Variants in DNAH11 observed in about 807,000 individuals in gnomAD.
DNAH11 encodes dynein axonemal heavy chain 11, also known as axonemal beta dynein heavy chain 11.
A neutral mutation model predicts 526.0 loss-of-function variants in DNAH11; 442 were observed. The ratio of observed to expected loss-of-function variants is 0.84; its 90% confidence interval spans 0.78 to 0.91. The LOEUF is 0.91. Ranked by LOEUF, DNAH11 falls within the 40% of genes least tolerant of loss-of-function variation. DNAH11 has a pLI of 0.00. For missense variants in DNAH11, 6,989 were observed against 5,448.7 expected, an observed-to-expected ratio of 1.28 and a Z score of -8.90; for synonymous variants, 2,461 against 1,935.9, an observed-to-expected ratio of 1.27 and a Z score of -7.12.
At chr7:21,798,249 C>A (rs1043153682) in intron 61 of DNAH11, among the ~76,000 whole-genome samples, 19 of 152,166 alleles carry the variant, frequency 1.2e-4, no homozygotes, top group Non-Finnish European at 2.6e-4. Context: ...CTTGTGCCAC[C>A]ATGCCCGGCT....
At chr7:21,663,017 C>G (rs568035014) in intron 30 of DNAH11, among the ~76,000 whole-genome samples, 1 of 152,144 alleles carries the variant, frequency 6.6e-6, no homozygotes, top group African/African-American at 2.4e-5. Flanking sequence ...GTCTGTCATT[C>G]CACACTCAAT....
At chr7:21,895,898 T>C (rs948972401) in intron 79 of DNAH11, among the ~76,000 whole-genome samples, 2 of 152,076 alleles carry the variant, frequency 1.3e-5, no homozygotes, top group African/African-American at 4.8e-5. Flanking sequence ...TCCGGTTAAT[T>C]TTTTGTATAT....
chr7:21,725,380 A>G (rs559693647), intron 44 of DNAH11, among the ~76,000 whole-genome samples: 25 of 152,350 alleles, frequency 1.6e-4, no homozygotes, highest in African/African-American at 5.5e-4. Context: ...AATAACTATC[A>G]CCATAATTTT....
At position 21,687,169 on chromosome 7, in the gene DNAH11, G is replaced by T; in HGVS notation, c.5692G>T (p.Gly1898Trp). 1 of 1,612,756 alleles carries T rather than the reference G, an allele frequency of 6.2e-7. No individual in the cohort carries two copies. ...SGAPAGPAGT[G>W]KTETTKDLGR... ...GGCTCCTGCTGGCCCAGCTGGTACC[G>T]GGAAAACAGAGACCACCAAAGACCT... is the stretch of plus-strand genomic sequence containing the variant. Residue 1898 changes from glycine (G) to tryptophan (W), a missense_variant, in exon 33 of 82, where the codon GGG becomes TGG. Physicochemically the swap from Gly to Trp is radical, Grantham distance 184. Coordinates refer to ENST00000409508, the MANE Select transcript of DNAH11 (RefSeq NM_001277115.2).
At chr7:21,648,414 TG>T (rs1490558386) in intron 28 of DNAH11, among the ~76,000 whole-genome samples, 3 of 152,212 alleles carry the variant, frequency 2.0e-5, no homozygotes, top group African/African-American at 4.8e-5. Context: ...GAAAATTTTT[TG>T]TATATCATCA....
chr7:21,829,311 C>G (rs1790447301), intron 65 of DNAH11, among the ~76,000 whole-genome samples: 1 of 151,864 alleles, frequency 6.6e-6, no homozygotes, highest in South Asian at 2.1e-4. Flanking sequence ...GACAAAATGC[C>G]TCTGATGAAG....
At chr7:21,646,498 A>G (rs532430688) in intron 28 of DNAH11, among the ~76,000 whole-genome samples, 10 of 152,190 alleles carry the variant, frequency 6.6e-5, no homozygotes, top group Non-Finnish European at 1.2e-4. Context: ...CAAAGTGACT[A>G]TACTTTGCAG....
At chr7:21,700,483 G>A (rs1012320998) in intron 36 of DNAH11, among the ~76,000 whole-genome samples, 2 of 152,188 alleles carry the variant, frequency 1.3e-5, no homozygotes, top group African/African-American at 4.8e-5. Context: ...TCTGAAATCT[G>A]TGGTCCAAAA....
chr7:21,841,948 A>G (rs1038281089), intron 65 of DNAH11, among the ~76,000 whole-genome samples: 24 of 152,266 alleles, frequency 1.6e-4, no homozygotes, highest in African/African-American at 5.5e-4. Context: ...TGCCCCCTCT[A>G]TGCCCACCAT....
intron 30 of DNAH11, among the ~76,000 whole-genome samples, chr7:21,675,001 G>A (rs529312257): frequency 1.8e-4 from 27 of 152,234 alleles, no homozygotes; most frequent in African/African-American, 6.0e-4. Flanking sequence ...TTCTCCAACT[G>A]CTTTGATAAT....
intron 38 of DNAH11, 72 bp from the exon 39 acceptor site, chr7:21,705,388 G>A (rs1784224514): frequency 9.9e-6 from 15 of 1,517,908 alleles, no homozygotes; most frequent in South Asian, 2.3e-5. Context: ...GAAGAATTGG[G>A]CAAAAATGGT....
chr7:21,834,865 C>G (rs957515266), intron 65 of DNAH11, among the ~76,000 whole-genome samples: 7 of 151,910 alleles, frequency 4.6e-5, no homozygotes, highest in African/African-American at 1.7e-4. Context: ...CCCAAAAAAA[C>G]AAATAACACA....
chr7:21,614,662 G>C (rs1179076346), intron 20 of DNAH11, among the ~76,000 whole-genome samples: 1 of 152,146 alleles, frequency 6.6e-6, no homozygotes, highest in African/African-American at 2.4e-5. Flanking sequence ...AAATTCTCTT[G>C]AGTGCATTTG....
In DNAH11 at chr7:21,698,138, T is replaced by C. The variant is rs532081831; in HGVS notation, c.6105T>C (p.Gly2035=). The change falls in exon 36 of 82, where the codon GGT becomes GGC. Residue 2035 remains glycine (G), a synonymous_variant. Transcript: ENST00000409508. ...GTGAAATCTTGTTAGTTGCTGAAGG[T>C]TTTGTGGATGCGCGTGCATTAGCCC... ...LICEILLVAE[G]FVDARALARK... The C allele has an allele frequency of 3.7e-6, 6 of 1,613,614 alleles. No individual in the cohort carries two copies. In the African/African-American group the frequency reaches 6.7e-5, roughly 18 times the overall value.
chr7:21,591,025 T>G lies in DNAH11; in HGVS notation c.2274+3T>G. 1 of 1,483,606 alleles carries G rather than the reference T, an allele frequency of 6.7e-7. No homozygotes were observed. Among genetic ancestry groups the G allele is most frequent in the Non-Finnish European group, 8.9e-7 (1 of 1,123,804 alleles). The allele number at this position is 1,483,606 out of a possible 1,614,324, so 91.9% of individuals were successfully genotyped here. A position where few individuals can be genotyped will look rare whatever the true frequency, so the allele number is the denominator to read the frequency against. ...AGAAAAGGAACACTATTTTAAAGGTTTGTGATTTTTGTTAAAAAAAAGATA... is the reference window on the plus strand; with the variant it reads ...AGAAAAGGAACACTATTTTAAAGGTGTGTGATTTTTGTTAAAAAAAAGATA... On this transcript the variant is annotated splice_donor_region_variant and intron_variant, in intron 13 of 81. Coordinates refer to ENST00000409508, the MANE Select transcript of DNAH11 (RefSeq NM_001277115.2).
intron 65 of DNAH11, among the ~76,000 whole-genome samples, chr7:21,836,247 C>A (rs571891131): frequency 4.6e-5 from 7 of 151,972 alleles, no homozygotes; most frequent in Non-Finnish European, 7.4e-5. Flanking sequence ...ATAGATAAAA[C>A]CATCCTGAAA....
intron 76 of DNAH11, among the ~76,000 whole-genome samples, chr7:21,884,838 G>A (rs1784063665): frequency 6.6e-6 from 1 of 152,140 alleles, no homozygotes; most frequent in African/African-American, 2.4e-5. Flanking sequence ...CTATTCCAGA[G>A]TTTATTTCAC....
At chr7:21,568,126 G>C (rs1048116630) in intron 6 of DNAH11, among the ~76,000 whole-genome samples, 1 of 152,180 alleles carries the variant, frequency 6.6e-6, no homozygotes, top group Non-Finnish European at 1.5e-5. Context: ...GCAGGGAGAC[G>C]AGCCTCAAAC....
At chr7:21,604,089 C>G (rs1413000331) in intron 18 of DNAH11, among the ~76,000 whole-genome samples, 1 of 151,054 alleles carries the variant, frequency 6.6e-6, no homozygotes, top group Non-Finnish European at 1.5e-5. Context: ...TAGTTACTTT[C>G]AGTTTCTCCT....
Sources: allele counts gnomAD v4.1 joint callset (sites outside exome capture counted in the v4.1 genomes callset), GRCh38; gene constraint gnomAD v4.1.1; transcripts MANE v1.5; gene names NCBI Gene and HGNC (gene_info 2026-07-23, HGNC 2026-07-21).